Variants in ACKR4 observed in about 807,000 individuals in gnomAD.
The protein encoded by ACKR4 is atypical chemokine receptor 4, also known as C-C CKR-11.
Under a neutral mutation model 8.5 loss-of-function variants are expected in ACKR4, and 2 were observed. That is an observed-to-expected ratio of 0.23 (90% confidence interval 0.10 to 0.74). The LOEUF is 0.74. Among genes scored for constraint, ACKR4 ranks in the 30% least tolerant of loss-of-function variants. ACKR4 has a pLI of 0.75. For missense variants in ACKR4, 167 were observed against 422.1 expected (o/e 0.40, Z 5.30); for synonymous variants, 67 against 145.0 (o/e 0.46, Z 3.86).
chr3:132,598,552 T>C (rs1250694010), intron 1 of ACKR4, among the ~76,000 whole-genome samples: 1 of 152,210 alleles, frequency 6.6e-6, no homozygotes, highest in Non-Finnish European at 1.5e-5. Context: ...TTCCACAGAA[T>C]GGATCAGTTC....
chr3:132,600,311 C>A (rs977081381), intron 1 of ACKR4, 78 bp from the exon 2 acceptor site: 16 of 1,270,552 alleles, frequency 1.3e-5, no homozygotes, highest in Non-Finnish European at 1.7e-5. Context: ...AGGGAAAGAA[C>A]AAAACAGCTT....
At chr3:132,599,635 T>C in intron 1 of ACKR4, among the ~76,000 whole-genome samples, 1 of 150,496 alleles carries the variant, frequency 6.6e-6, no homozygotes, top group South Asian at 2.1e-4. Context: ...ATTCAAGACC[T>C]ACTTGGAAGG....
In ACKR4 at chr3:132,600,529, C is replaced by T. The variant is rs761613249; in HGVS notation, c.132C>T (p.Leu44=). 5 of 1,613,918 alleles carry T rather than the reference C, an allele frequency of 3.1e-6. No homozygotes were observed. Among genetic ancestry groups the T allele is most frequent in the Non-Finnish European group, 8.5e-7 (1 of 1,179,856 alleles). ...TCAGAGAATTTGCAAAAGTTTTCCTCCCTGTATTCCTCACAATAGTTTTCG... is the reference window on the plus strand; with the variant it reads ...TCAGAGAATTTGCAAAAGTTTTCCTTCCTGTATTCCTCACAATAGTTTTCG... The part of the protein sequence containing the change: ...EDVREFAKVF[L]PVFLTIVFVI... The change falls in exon 2 of 2, where the codon CTC becomes CTT. Residue 44 remains leucine (L), a synonymous_variant. Coordinates refer to ENST00000249887, the MANE Select transcript of ACKR4 (RefSeq NM_016557.4).
rs1368055573 is a variant in ACKR4, at chr3:132,599,964, A to C, written c.-9-425A>C. 2.6e-5 allele frequency among the ~76,000 whole-genome samples: 4 copies of C among 152,164 alleles called. No homozygotes were observed. The East Asian group carries it at 7.7e-4, about 29-fold the overall frequency. Reference sequence around the variant, plus strand: ...TAATTTGCTATTTTCGTTTTTATTCAATTTGTTGTAGATATACTTTTACGA... The same window carrying C: ...TAATTTGCTATTTTCGTTTTTATTCCATTTGTTGTAGATATACTTTTACGA... On this transcript the variant is annotated intron_variant, in intron 1 of 1. Coordinates refer to ENST00000249887, the MANE Select transcript of ACKR4 (RefSeq NM_016557.4).
rs557291993 is a variant in ACKR4, at chr3:132,602,567, T to A, written c.*1117T>A. Among the ~76,000 whole-genome samples, 8 of 152,242 alleles carry A rather than the reference T, an allele frequency of 5.3e-5. No individual in the cohort carries two copies. In the East Asian group the frequency reaches 1.5e-3, roughly 29 times the overall value. On this transcript the variant is annotated 3_prime_UTR_variant, in exon 2 of 2. Coordinates refer to ENST00000249887, the MANE Select transcript of ACKR4 (RefSeq NM_016557.4). ...GTACAGCTTATCTTTTTTAAAAAAA[T>A]TTGCTGTAAATTATTATAATCCATG...
Position 132,600,521 on chromosome 3 carries a change from G to C in ACKR4, c.124G>C (p.Val42Leu). The C allele has an allele frequency of 2.5e-6, 4 of 1,613,938 alleles. No homozygotes were observed. Among genetic ancestry groups the C allele is most frequent in the East Asian group, 2.2e-5 (1 of 44,850 alleles). The change falls in exon 2 of 2, where the codon GTT (valine) becomes CTT (leucine). Residue 42 changes from valine (V) to leucine (L), a missense_variant. By Grantham distance (32) the Val-to-Leu change is conservative. Around this residue, in one of 2 missense-constraint regions of ACKR4, gnomAD observed 149 missense variants for 281.9 expected, o/e 0.53. Transcript: ENST00000249887. ...AGAAGATGTCAGAGAATTTGCAAAAGTTTTCCTCCCTGTATTCCTCACAAT... is the reference window on the plus strand; with the variant it reads ...AGAAGATGTCAGAGAATTTGCAAAACTTTTCCTCCCTGTATTCCTCACAAT... Reference protein sequence around the residue: ...IKEDVREFAKVFLPVFLTIVF... With the variant: ...IKEDVREFAKLFLPVFLTIVF...
intron 1 of ACKR4, among the ~76,000 whole-genome samples, chr3:132,599,193 A>G (rs1309824891): frequency 6.6e-6 from 1 of 152,116 alleles, no homozygotes; most frequent in East Asian, 1.9e-4. Context: ...TGGTCAATAA[A>G]TAAATAAATA....
Position 132,600,075 on chromosome 3 carries a change from T to C in ACKR4, c.-9-314T>C, listed in dbSNP as rs554643810. On this transcript the variant is annotated intron_variant, in intron 1 of 1. Transcript: ENST00000249887. ...TTAAATTTTCATATTTTAAAAATCA[T>C]TTTTACATAAAAGTCTTCACTTTTA... 5.3e-5 allele frequency among the ~76,000 whole-genome samples: 8 copies of C among 152,322 alleles called. No homozygotes were observed. The South Asian group carries it at 1.4e-3, about 28-fold the overall frequency.
At chr3:132,599,505 CA>C (rs549838482) in intron 1 of ACKR4, among the ~76,000 whole-genome samples, 225 of 142,330 alleles carry the variant, frequency 1.6e-3, no homozygotes, top group African/African-American at 5.2e-3. Context: ...GACTCCATCT[CA>C]AAAAAAAAAT....
rs1178890574 is a variant in ACKR4 at position 132,601,895 on chromosome 3, G to A, written c.*445G>A. 2 of 256,840 alleles carry A rather than the reference G, an allele frequency of 7.8e-6. No individual in the cohort carries two copies. The highest frequency in any genetic ancestry group is 4.7e-5 in the African/African-American group (2 of 42,592). The allele number at this position is 256,840 out of a possible 1,614,324, so 15.9% of individuals were successfully genotyped here. On this transcript the variant is annotated 3_prime_UTR_variant, in exon 2 of 2. Transcript: ENST00000249887. ...GGAAAACTGGGTGAAGGGTACCCAG[G>A]ACCACTCTGTACCATCTTTGTAACT... is the stretch of plus-strand genomic sequence containing the variant.
rs139383129 is a variant in ACKR4 at position 132,599,789 on chromosome 3, T to C, written c.-9-600T>C. On this transcript the variant is annotated intron_variant, in intron 1 of 1. Coordinates refer to ENST00000249887, the MANE Select transcript of ACKR4 (RefSeq NM_016557.4). ...TACAATAAGCAAGTAGTGACCAGTTTTGGAGGGAAGTTGGCTAAAGGAGAT... is the reference window on the plus strand; with the variant it reads ...TACAATAAGCAAGTAGTGACCAGTTCTGGAGGGAAGTTGGCTAAAGGAGAT... 4.7e-3 allele frequency among the ~76,000 whole-genome samples: 717 copies of C among 152,176 alleles called. 8 individuals are homozygous for C. Among genetic ancestry groups the C allele is most frequent in the African/African-American group, 0.015 (640 of 41,538 alleles).
intron 1 of ACKR4, 52 bp from the exon 2 acceptor site, chr3:132,600,337 C>A (rs1938512527): frequency 2.8e-6 from 4 of 1,427,550 alleles, no homozygotes; most frequent in African/African-American, 1.4e-5. Context: ...AAACTGTTTC[C>A]TTTTAAGCAT....
chr3:132,598,935 G>A (rs576072700), intron 1 of ACKR4, among the ~76,000 whole-genome samples: 1 of 152,320 alleles, frequency 6.6e-6, no homozygotes, highest in Admixed American at 6.5e-5. Flanking sequence ...TGGCAATTTA[G>A]AGATCAAATA....
At chr3:132,597,858 G>A (rs1357690863) in intron 1 of ACKR4, among the ~76,000 whole-genome samples, 1 of 152,056 alleles carries the variant, frequency 6.6e-6, no homozygotes, top group East Asian at 1.9e-4. Context: ...TTCATACTGT[G>A]TTAATAATTA....
intron 1 of ACKR4, among the ~76,000 whole-genome samples, chr3:132,598,950 G>A (rs1341851195): frequency 3.3e-5 from 5 of 152,154 alleles, no homozygotes; most frequent in African/African-American, 1.2e-4. Context: ...CAAATACTCT[G>A]GTGGAAGTAA....
In ACKR4 at chr3:132,600,566, G is replaced by C; in HGVS notation, c.169G>C (p.Ala57Pro). ...CACAATAGTTTTCGTCATTGGACTT[G>C]CAGGCAATTCCATGGTAGTGGCAAT... ...FLTIVFVIGL[A>P]GNSMVVAIYA... Residue 57 changes from alanine to proline, a missense_variant, in exon 2 of 2, where the codon GCA (alanine) becomes CCA (proline). Around this residue, in one of 2 missense-constraint regions of ACKR4, gnomAD observed 149 missense variants for 281.9 expected, o/e 0.53. Transcript: ENST00000249887. 40 of 1,613,938 alleles carry C rather than the reference G, an allele frequency of 2.5e-5. No homozygotes were observed. Among genetic ancestry groups the C allele is most frequent in the Non-Finnish European group, 3.3e-5 (39 of 1,179,854 alleles).
rs1421897777 is a variant in ACKR4 at position 132,600,888 on chromosome 3, C to T, written c.491C>T (p.Ala164Val). 1 of 1,613,522 alleles carries T rather than the reference C, an allele frequency of 6.2e-7. No homozygotes were observed. The highest frequency in any genetic ancestry group is 1.3e-5 in the African/African-American group (1 of 75,002). The stretch of plus-strand genomic sequence containing the variant: ...ATCATCTGTTTCTGTGTCTGGATGG[C>T]TGCCATCTTGCTGAGCATACCCCAG... Reference protein sequence around the residue: ...CWIICFCVWMAAILLSIPQLV... With the variant: ...CWIICFCVWMVAILLSIPQLV... Residue 164 changes from alanine (A) to valine (V), a missense_variant, in exon 2 of 2, where the codon GCT becomes GTT. Around this residue, in one of 2 missense-constraint regions of ACKR4, gnomAD observed 149 missense variants for 281.9 expected, o/e 0.53. Transcript: ENST00000249887.
chr3:132,599,747 G>T (rs1403220429), intron 1 of ACKR4, among the ~76,000 whole-genome samples: 1 of 152,000 alleles, frequency 6.6e-6, no homozygotes, highest in Non-Finnish European at 1.5e-5. Context: ...AGATAGTGGT[G>T]CTACTAAAAA....
In ACKR4 at chr3:132,600,536, T is replaced by C. The variant is rs146640019; in HGVS notation, c.139T>C (p.Phe47Leu). 7.4e-5 allele frequency: 119 copies of C among 1,613,842 alleles called. No homozygotes were observed. Among genetic ancestry groups the C allele is most frequent in the Middle Eastern group, 1.6e-4 (1 of 6,078 alleles). Residue 47 changes from phenylalanine to leucine, a missense_variant, in exon 2 of 2, where the codon TTC (phenylalanine) becomes CTC (leucine). This residue lies in a region of ACKR4 where 149 missense variants were observed against 281.9 expected (regional missense o/e 0.53). Coordinates refer to ENST00000249887, the MANE Select transcript of ACKR4 (RefSeq NM_016557.4). ...REFAKVFLPV[F>L]LTIVFVIGLA... is the part of the protein sequence containing the mutation. Reference sequence around the variant, plus strand: ...ATTTGCAAAAGTTTTCCTCCCTGTATTCCTCACAATAGTTTTCGTCATTGG... The same window carrying C: ...ATTTGCAAAAGTTTTCCTCCCTGTACTCCTCACAATAGTTTTCGTCATTGG...
Sources: gnomAD v4.1 joint callset for allele counts (sites outside exome capture counted in the v4.1 genomes callset) on GRCh38, gnomAD v4.1.1 for gene constraint, gnomAD v4.1.1 regional missense constraint, MANE v1.5 for transcripts, NCBI Gene and HGNC (gene_info 2026-07-23, HGNC 2026-07-21) for gene names.